ADAMTS20: variants seen among roughly 807,000 people sequenced by gnomAD.
The protein encoded by ADAMTS20 is A disintegrin and metalloproteinase with thrombospondin motifs 20.
ADAMTS20 carries 225 observed loss-of-function variants against 260.1 expected under a neutral mutation model. The observed-to-expected ratio is 0.87, with a 90% CI of 0.78 to 0.97. The LOEUF (loss-of-function observed/expected upper bound fraction) is 0.97. Ranked by LOEUF, ADAMTS20 falls within the 50% of genes least tolerant of loss-of-function variation. The probability of loss-of-function intolerance (pLI) is 0.00; values close to 1 mark genes in which losing one functional copy is unlikely to be tolerated. For synonymous variants in ADAMTS20, 802 were observed against 769.5 expected (o/e 1.04, Z -0.70); for missense variants, 2,400 against 2,337.7 (o/e 1.03, Z -0.55).
At chr12:43,366,412 TA>T (rs1361257666) in intron 37 of ADAMTS20, among the ~76,000 whole-genome samples, 1 of 151,816 alleles carries the variant, frequency 6.6e-6, no homozygotes, top group Non-Finnish European at 1.5e-5. Flanking sequence ...CAGATAGAAC[TA>T]AGCAGAAGAT....
intron 2 of ADAMTS20, among the ~76,000 whole-genome samples, chr12:43,532,433 T>G (rs1335254300): frequency 2.6e-5 from 4 of 152,066 alleles, no homozygotes; most frequent in African/African-American, 9.7e-5. Flanking sequence ...GTGACGGGCA[T>G]TCCAGGTGCA....
intron 36 of ADAMTS20, among the ~76,000 whole-genome samples, chr12:43,372,960 G>T (rs1465901201): frequency 6.6e-6 from 1 of 152,154 alleles, no homozygotes; most frequent in African/African-American, 2.4e-5. Flanking sequence ...TACAGGAGAA[G>T]GTATAAGTTA....
chr12:43,488,689 G>T (rs867510238), intron 7 of ADAMTS20, among the ~76,000 whole-genome samples: 9 of 152,254 alleles, frequency 5.9e-5, no homozygotes, highest in Middle Eastern at 6.8e-3. Flanking sequence ...GATTGCTTTA[G>T]CACCATTACG....
At chr12:43,480,842 T>G (rs1345724963) in intron 7 of ADAMTS20, among the ~76,000 whole-genome samples, 2 of 152,120 alleles carry the variant, frequency 1.3e-5, no homozygotes, top group East Asian at 3.8e-4. Context: ...GGGGAAGTTC[T>G]TAGTCAAAGG....
chr12:43,440,921 C>T (rs1293143095), intron 16 of ADAMTS20, among the ~76,000 whole-genome samples: 2 of 152,050 alleles, frequency 1.3e-5, no homozygotes, highest in Non-Finnish European at 2.9e-5. Context: ...AAAAATTAGC[C>T]GGGCGTACTG....
At chr12:43,431,530 AG>A in intron 21 of ADAMTS20, 34 bp from the exon 22 acceptor site, 1 of 1,611,454 alleles carries the variant, frequency 6.2e-7, no homozygotes, top group Non-Finnish European at 8.5e-7. Context: ...ATTTATTTGC[AG>A]CATTAGTCAA....
chr12:43,377,580 A>G lies in ADAMTS20; in HGVS notation c.4798-18T>C. The G allele has an allele frequency of 2.5e-6, 4 of 1,592,638 alleles. No individual in the cohort carries two copies. The highest frequency in any genetic ancestry group is 1.7e-5 in the Admixed American group (1 of 58,420). On this transcript the variant is annotated intron_variant, in intron 31 of 38. Transcript: ENST00000389420. ...TTTGCACACTGAAAAATACATAATT[A>G]CAAGAAAGAAAATGTCATTAACTTT...
At chr12:43,407,593 T>C (rs144752797) in intron 28 of ADAMTS20, among the ~76,000 whole-genome samples, 1 of 152,144 alleles carries the variant, frequency 6.6e-6, no homozygotes, top group Admixed American at 6.5e-5. Context: ...AAGTATCTTG[T>C]ACAGAAATAT....
chr12:43,510,240 G>A (rs1942903942), intron 3 of ADAMTS20, among the ~76,000 whole-genome samples: 1 of 151,706 alleles, frequency 6.6e-6, no homozygotes, highest in African/African-American at 2.4e-5. Flanking sequence ...TTTGTATAAT[G>A]AGCCTAAAAG....
chr12:43,474,999 G>A (rs1349725050), intron 7 of ADAMTS20, among the ~76,000 whole-genome samples: 1 of 126,898 alleles, frequency 7.9e-6, no homozygotes, highest in Non-Finnish European at 1.7e-5. Context: ...GGGCAATCAG[G>A]CAGGAGAAGG....
chr12:43,550,066 G>C (rs1381316106), intron 2 of ADAMTS20, among the ~76,000 whole-genome samples: 1 of 152,148 alleles, frequency 6.6e-6, no homozygotes, highest in Admixed American at 6.5e-5. Flanking sequence ...ATTTGTCAGA[G>C]GAGTTACTGA....
At chr12:43,460,342 A>G (rs1942037377) in intron 11 of ADAMTS20, among the ~76,000 whole-genome samples, 2 of 152,216 alleles carry the variant, frequency 1.3e-5, no homozygotes, top group Admixed American at 1.3e-4. Context: ...AAAAATGCAT[A>G]AGATTGATAA....
At chr12:43,521,394 C>T (rs1465254707) in intron 3 of ADAMTS20, among the ~76,000 whole-genome samples, 1 of 151,268 alleles carries the variant, frequency 6.6e-6, no homozygotes, top group Non-Finnish European at 1.5e-5. Context: ...CATGTATTCG[C>T]AAAAATATTT....
intron 7 of ADAMTS20, among the ~76,000 whole-genome samples, chr12:43,485,893 A>G (rs1942515825): frequency 6.6e-6 from 1 of 152,166 alleles, no homozygotes; most frequent in Admixed American, 6.5e-5. Flanking sequence ...AACAAGGAGA[A>G]CTATAAAACA....
intron 22 of ADAMTS20, 91 bp from the exon 23 acceptor site, chr12:43,430,562 A>G: frequency 8.5e-7 from 1 of 1,180,448 alleles, no homozygotes; most frequent in South Asian, 2.0e-5. Flanking sequence ...TTAATAATAT[A>G]CTTTTAATAA....
At chr12:43,492,305 A>G (rs914943950) in intron 6 of ADAMTS20, among the ~76,000 whole-genome samples, 200 bp downstream of exon 6, 6 of 151,656 alleles carry the variant, frequency 4.0e-5, no homozygotes, top group Non-Finnish European at 7.4e-5. Context: ...GCGTGAACCC[A>G]GGAGGCGGAG....
intron 7 of ADAMTS20, among the ~76,000 whole-genome samples, chr12:43,488,411 C>T (rs1187524912): frequency 1.3e-5 from 2 of 152,116 alleles, no homozygotes; most frequent in African/African-American, 4.8e-5. Flanking sequence ...CACACAGTGA[C>T]TTCGAACTTC....
At chr12:43,362,048 C>T (rs552841886) in intron 37 of ADAMTS20, among the ~76,000 whole-genome samples, 1 of 152,260 alleles carries the variant, frequency 6.6e-6, no homozygotes, top group Non-Finnish European at 1.5e-5. Flanking sequence ...TGTCAATTTA[C>T]TTATCTCTAA....
Position 43,425,600 on chromosome 12 carries a change from T to G in ADAMTS20, c.4198A>C (p.Ile1400Leu). 2 of 1,611,648 alleles carry G rather than the reference T, an allele frequency of 1.2e-6. No individual in the cohort carries two copies. Among genetic ancestry groups the G allele is most frequent in the Non-Finnish European group, 1.7e-6 (2 of 1,178,576 alleles). The change falls in exon 28 of 39, where the codon ATT (isoleucine) becomes CTT (leucine). Residue 1400 changes from isoleucine to leucine, a missense_variant. By Grantham distance (5) the Ile-to-Leu change is conservative. Transcript: ENST00000389420. ...ATTACGCTAGGTGGCTTGTTTACAATTTCACAGTTGTGATCTTCTAATATT... is the reference window on the plus strand; with the variant it reads ...ATTACGCTAGGTGGCTTGTTTACAAGTTCACAGTTGTGATCTTCTAATATT... ...GQILEDHNCE[I>L]VNKPPSVIQC...
Sources: gnomAD v4.1 joint callset for allele counts (sites outside exome capture counted in the v4.1 genomes callset) on GRCh38, gnomAD v4.1.1 for gene constraint, MANE v1.5 for transcripts, NCBI Gene and HGNC (gene_info 2026-07-23, HGNC 2026-07-21) for gene names.